CATSPERE: variants seen among roughly 807,000 people sequenced by gnomAD.
CATSPERE encodes the protein catsper channel auxiliary subunit epsilon, also known as cation channel sperm-associated auxiliary subunit epsilon.
A neutral mutation model predicts 114.1 loss-of-function variants in CATSPERE; 93 were observed. The observed-to-expected ratio is 0.81, with a 90% CI of 0.69 to 0.97. The LOEUF (loss-of-function observed/expected upper bound fraction) is 0.97. Ranked by LOEUF, CATSPERE falls within the 50% of genes least tolerant of loss-of-function variation. The probability of loss-of-function intolerance (pLI) is 0.00; values close to 1 mark genes in which losing one functional copy is unlikely to be tolerated. For synonymous variants in CATSPERE, 341 were observed against 384.1 expected, an observed-to-expected ratio of 0.89 and a Z score of 1.31; for missense variants, 1,058 against 1,131.6, an observed-to-expected ratio of 0.93 and a Z score of 0.93.
chr1:244,513,661 TCC>T (rs1676124428), intron 7 of CATSPERE, among the ~76,000 whole-genome samples: 1 of 151,984 alleles, frequency 6.6e-6, no homozygotes, highest in South Asian at 2.1e-4. Context: ...TATCCCTAGG[TCC>T]CCAGATAGCA....
At chr1:244,557,532 C>CATAT (rs61291602) in intron 9 of CATSPERE, among the ~76,000 whole-genome samples, 870 of 40,182 alleles carry the variant, frequency 0.022, 66 homozygotes, top group Non-Finnish European at 0.031. Context: ...TTGAAATATT[C>CATAT]ATATATATAT....
chr1:244,640,148 TGA>T lies in CATSPERE; in HGVS notation c.*71_*72del. On this transcript the variant is annotated 3_prime_UTR_variant, in exon 22 of 22. Transcript: ENST00000366534. The stretch of plus-strand genomic sequence containing the variant: ...GAAACAGTGTATTACATAGTGATAT[TGA>T]GAGTGTGTGTTTGACCAAGAAATAC... 1 of 1,273,820 alleles carries T rather than the reference TGA, an allele frequency of 7.9e-7. No homozygotes were observed. Among genetic ancestry groups the T allele is most frequent in the Non-Finnish European group, 1.1e-6 (1 of 922,698 alleles). 78.9% of individuals were successfully genotyped at this position (1,273,820 alleles called of 1,614,324 possible). A position where few individuals can be genotyped will look rare whatever the true frequency, so the allele number is the denominator to read the frequency against.
chr1:244,466,841 A>C (rs960724647), intron 2 of CATSPERE, among the ~76,000 whole-genome samples: 1 of 152,200 alleles, frequency 6.6e-6, no homozygotes. Context: ...TGCTCAATGG[A>C]AAGATGGGAC....
intron 8 of CATSPERE, among the ~76,000 whole-genome samples, chr1:244,537,754 G>A (rs1216739774): frequency 6.6e-6 from 1 of 152,028 alleles, no homozygotes. Context: ...TTTTGTTAAG[G>A]TGCATTTTAT....
intron 14 of CATSPERE, 91 bp from the exon 15 acceptor site, chr1:244,591,590 C>T: frequency 1.4e-6 from 1 of 700,650 alleles, no homozygotes; most frequent in East Asian, 2.9e-5. Flanking sequence ...TGACACTCTC[C>T]TGTTTGAGAA....
chr1:244,553,541 A>C (rs1446579225), intron 9 of CATSPERE, among the ~76,000 whole-genome samples: 8 of 141,482 alleles, frequency 5.7e-5, no homozygotes, highest in South Asian at 2.3e-4. Flanking sequence ...AGATCGTGCC[A>C]CTGCACTCCA....
intron 6 of CATSPERE, among the ~76,000 whole-genome samples, chr1:244,496,064 A>C (rs1002710305): frequency 6.6e-6 from 1 of 152,236 alleles, no homozygotes; most frequent in Non-Finnish European, 1.5e-5. Flanking sequence ...AAACAAAAAC[A>C]AAAAAGGATC....
chr1:244,467,042 T>C (rs933595090), intron 2 of CATSPERE, among the ~76,000 whole-genome samples: 1 of 152,226 alleles, frequency 6.6e-6, no homozygotes, highest in African/African-American at 2.4e-5. Flanking sequence ...CAGGAATGAA[T>C]GATCATGGCT....
At position 244,640,031 on chromosome 1, in the gene CATSPERE, T is replaced by C. The variant is rs943406753; in HGVS notation, c.2806T>C (p.Tyr936His). 7 of 1,550,918 alleles carry C rather than the reference T, an allele frequency of 4.5e-6. No individual in the cohort carries two copies. The African/African-American group carries it at 6.8e-5, about 15-fold the overall frequency. ...YFRYMRIYRR[Y>H]IYEPLHKPQR... ...TCGGTACATGAGGATTTATAGACGA[T>C]ATATTTATGAACCACTTCACAAACC... The change falls in exon 22 of 22, where the codon TAT becomes CAT. Residue 936 changes from tyrosine to histidine, a missense_variant. Tyr to His is a moderately conservative substitution (Grantham distance 83). Transcript: ENST00000366534.
At chr1:244,526,418 A>C (rs1678608813) in intron 8 of CATSPERE, among the ~76,000 whole-genome samples, 1 of 152,026 alleles carries the variant, frequency 6.6e-6, no homozygotes, top group African/African-American at 2.4e-5. Flanking sequence ...AAAAGAAAAA[A>C]AAAAAAGGAA....
chr1:244,491,358 G>A lies in CATSPERE; in HGVS notation c.351+887G>A, dbSNP rs370619660. On this transcript the variant is annotated intron_variant, in intron 6 of 21. Transcript: ENST00000366534. ...CCTGAATGACTACTGGGTACATAAC[G>A]AAATGAAGGCAGAAATAAAGATGTT... 2.0e-4 allele frequency among the ~76,000 whole-genome samples: 31 copies of A among 152,046 alleles called. No individual in the cohort carries two copies. The South Asian group carries it at 2.1e-3, about 10-fold the overall frequency.
chr1:244,589,043 A>T (rs2148636646), intron 14 of CATSPERE, among the ~76,000 whole-genome samples: 1 of 152,306 alleles, frequency 6.6e-6, no homozygotes, highest in East Asian at 1.9e-4. Context: ...CCAACGTGTG[A>T]ATTTTGTCGG....
At chr1:244,478,762 G>A (rs192016447) in intron 4 of CATSPERE, among the ~76,000 whole-genome samples, 84 of 152,144 alleles carry the variant, frequency 5.5e-4, no homozygotes, top group Non-Finnish European at 1.1e-3. Context: ...TGCCGGGCGC[G>A]GTGGCTCACG....
intron 11 of CATSPERE, 67 bp from the exon 12 acceptor site, chr1:244,581,729 C>CTGCTT: frequency 1.5e-6 from 1 of 670,786 alleles, no homozygotes; most frequent in East Asian, 3.1e-5. Flanking sequence ...AAGCCATATG[C>CTGCTT]TACTAAAGTG....
intron 8 of CATSPERE, among the ~76,000 whole-genome samples, chr1:244,539,637 G>A (rs917826791): frequency 8.0e-5 from 12 of 149,906 alleles, no homozygotes; most frequent in Non-Finnish European, 1.6e-4. Flanking sequence ...ATTGATTATT[G>A]CCACAGTTTC....
At chr1:244,489,606 C>T (rs976055686) in intron 5 of CATSPERE, among the ~76,000 whole-genome samples, 2 of 151,476 alleles carry the variant, frequency 1.3e-5, no homozygotes, top group Non-Finnish European at 2.9e-5. Context: ...GGCATGGAAA[C>T]TATGTGCAGG....
Position 244,560,888 on chromosome 1 carries a change from A to T in CATSPERE, c.1250A>T (p.Lys417Ile). The T allele has an allele frequency of 6.2e-7, 1 of 1,614,156 alleles. No homozygotes were observed. The highest frequency in any genetic ancestry group is 8.5e-7 in the Non-Finnish European group (1 of 1,180,020). The change falls in exon 10 of 22, where the codon AAA (lysine) becomes ATA (isoleucine). Residue 417 changes from lysine to isoleucine, a missense_variant. By Grantham distance (102) the Lys-to-Ile change is moderately radical. Transcript: ENST00000366534. ...LNYCTVCNVTKKIFLVIYNED... is the reference protein window; with the variant it reads ...LNYCTVCNVTIKIFLVIYNED... ...TATTGCACTGTATGTAACGTCACCAAAAAGATTTTCTTAGTGATATATAAT... is the reference window on the plus strand; with the variant it reads ...TATTGCACTGTATGTAACGTCACCATAAAGATTTTCTTAGTGATATATAAT...
intron 6 of CATSPERE, among the ~76,000 whole-genome samples, chr1:244,496,114 T>G (rs1673046233): frequency 6.6e-6 from 1 of 152,174 alleles, no homozygotes; most frequent in Non-Finnish European, 1.5e-5. Flanking sequence ...GTTGGGGAAT[T>G]TAAACATTTC....
intron 17 of CATSPERE, among the ~76,000 whole-genome samples, chr1:244,595,912 G>C (rs368651508): frequency 6.6e-6 from 1 of 152,020 alleles, no homozygotes; most frequent in Non-Finnish European, 1.5e-5. Context: ...TAGCCTGGGC[G>C]ACAGAGCGAG....
Sources: allele counts gnomAD v4.1 joint callset (sites outside exome capture counted in the v4.1 genomes callset), GRCh38; gene constraint gnomAD v4.1.1; transcripts MANE v1.5; gene names NCBI Gene and HGNC (gene_info 2026-07-23, HGNC 2026-07-21).